QRFPR: variants seen among roughly 807,000 people sequenced by gnomAD.
QRFPR encodes the protein pyroglutamylated RF-amide peptide receptor.
A neutral mutation model predicts 31.3 loss-of-function variants in QRFPR; 37 were observed. The observed-to-expected ratio is 1.18, with a 90% CI of 0.91 to 1.56. The LOEUF (loss-of-function observed/expected upper bound fraction) is 1.56, where lower values mean the gene tolerates loss of function less well. Ranked by LOEUF, QRFPR falls within the 40% of genes most tolerant of loss-of-function variation. The probability of loss-of-function intolerance (pLI) is 0.00; values close to 1 mark genes in which losing one functional copy is unlikely to be tolerated. For synonymous variants in QRFPR, 197 were observed against 192.0 expected (o/e 1.03, Z -0.22); for missense variants, 542 against 532.5 (o/e 1.02, Z -0.18).
In QRFPR at chr4:121,355,492, A is replaced by C. The variant is rs189169273; in HGVS notation, c.341-14882T>G. 3.3e-3 allele frequency among the ~76,000 whole-genome samples: 500 copies of C among 151,908 alleles called. 4 individuals are homozygous for C. The highest frequency in any genetic ancestry group is 3.9e-3 in the Non-Finnish European group (265 of 67,868). On this transcript the variant is annotated intron_variant, in intron 1 of 5. Transcript: ENST00000394427. ...GATTAAAGGTTAGTTGACTTTGTTT[A>C]TCTGTTCAAGAAAACAACTTTTCCT...
At chr4:121,347,336 C>T (rs1161218162) in intron 1 of QRFPR, among the ~76,000 whole-genome samples, 1 of 151,996 alleles carries the variant, frequency 6.6e-6, no homozygotes, top group Non-Finnish European at 1.5e-5. Context: ...GGGGGCACTA[C>T]CATCTCTAAA....
chr4:121,370,439 A>C, intron 1 of QRFPR: 1 of 590,306 alleles, frequency 1.7e-6, no homozygotes, highest in Non-Finnish European at 3.2e-6. Context: ...GATGTTAATG[A>C]GGAACATGGT....
intron 2 of QRFPR, among the ~76,000 whole-genome samples, chr4:121,337,188 C>T (rs147343858): frequency 1.3e-5 from 2 of 152,286 alleles, no homozygotes; most frequent in African/African-American, 2.4e-5. Context: ...TGTCCATGCT[C>T]TTCACACCGC....
chr4:121,330,067 C>T (rs867312850), intron 5 of QRFPR, among the ~76,000 whole-genome samples: 24 of 152,228 alleles, frequency 1.6e-4, no homozygotes, highest in African/African-American at 5.1e-4. Flanking sequence ...ATGGTAAGTC[C>T]TGGGTTATCA....
intron 3 of QRFPR, among the ~76,000 whole-genome samples, chr4:121,335,711 AAATTAT>A (rs1324267813): frequency 6.6e-6 from 1 of 152,130 alleles, no homozygotes; most frequent in Non-Finnish European, 1.5e-5. Context: ...GGGAAGGGAA[AAATTAT>A]AAATTGATTA....
At chr4:121,348,791 G>A (rs1725707682) in intron 1 of QRFPR, among the ~76,000 whole-genome samples, 2 of 151,964 alleles carry the variant, frequency 1.3e-5, no homozygotes, top group South Asian at 4.1e-4. Context: ...CTTGATTTTT[G>A]CTCCCTTATA....
At position 121,370,004 on chromosome 4, in the gene QRFPR, G is replaced by C. The variant is rs1212518361; in HGVS notation, c.340+10304C>G. On this transcript the variant is annotated intron_variant, in intron 1 of 5. Transcript: ENST00000394427. ...TGCCCAAAATGCTGAAAGCTTTCCT[G>C]GGTCTGTTTTGTGATCACATAATTC... 1.8e-5 allele frequency: 14 copies of C among 767,762 alleles called. 1 individual carries two copies. The highest frequency in any genetic ancestry group is 4.9e-5 in the East Asian group (2 of 41,186). The allele number at this position is 767,762 out of a possible 1,614,324, so 47.6% of individuals were successfully genotyped here.
intron 3 of QRFPR, among the ~76,000 whole-genome samples, chr4:121,333,430 C>G (rs944636081): frequency 3.9e-5 from 6 of 152,278 alleles, no homozygotes; most frequent in African/African-American, 4.8e-5. Flanking sequence ...GCTAGGTAGT[C>G]TAATATTAAA....
Position 121,340,637 on chromosome 4 carries a change from T to A in QRFPR, c.341-27A>T, listed in dbSNP as rs1458287899. The stretch of plus-strand genomic sequence containing the variant: ...TGCAGTAAGGAAATAGGACAAATCA[T>A]ACATCAAAACAAAAAGAATAAAGGT... On this transcript the variant is annotated intron_variant, in intron 1 of 5. Transcript: ENST00000394427. 8 of 1,598,948 alleles carry A rather than the reference T, an allele frequency of 5.0e-6. 1 individual carries two copies. The Admixed American group carries it at 1.2e-4, about 24-fold the overall frequency.
chr4:121,366,287 T>A (rs1726133531), intron 1 of QRFPR, among the ~76,000 whole-genome samples: 2 of 149,876 alleles, frequency 1.3e-5, no homozygotes. Context: ...GATTTTTTTT[T>A]AAAGGCTACA....
intron 1 of QRFPR, among the ~76,000 whole-genome samples, chr4:121,364,129 A>AGGAATCAGTAGGATGGCTCT (rs1726040568): frequency 6.7e-6 from 1 of 149,994 alleles, no homozygotes; most frequent in Non-Finnish European, 1.5e-5. Flanking sequence ...TTACAAGGGC[A>AGGAATCAGTAGGATGGCTCT]GGAATCAGTA....
intron 1 of QRFPR, chr4:121,370,395 C>T (rs371425283): frequency 1.0e-5 from 7 of 696,584 alleles, no homozygotes; most frequent in South Asian, 2.8e-5. Context: ...CCTGCCACCA[C>T]GGTGAAATGA....
chr4:121,369,505 T>A (rs1476609731), intron 1 of QRFPR: 15 of 1,440,902 alleles, frequency 1.0e-5, no homozygotes, highest in Non-Finnish European at 1.4e-5. Context: ...GTTTCCTCCC[T>A]TCCGTCACTG....
At chr4:121,340,711 G>T in intron 1 of QRFPR, 101 bp from the exon 2 acceptor site, 1 of 1,156,718 alleles carries the variant, frequency 8.6e-7, no homozygotes, top group South Asian at 1.7e-5. Flanking sequence ...CTGAGCCTCT[G>T]CCAAAAAGTT....
intron 1 of QRFPR, among the ~76,000 whole-genome samples, chr4:121,368,063 C>G (rs941230628): frequency 1.3e-5 from 2 of 149,680 alleles, no homozygotes; most frequent in Admixed American, 6.6e-5. Context: ...AGACAGTATT[C>G]AAGACAAAAA....
At chr4:121,338,756 C>T (rs866766328) in intron 2 of QRFPR, among the ~76,000 whole-genome samples, 17 of 152,180 alleles carry the variant, frequency 1.1e-4, no homozygotes, top group African/African-American at 4.1e-4. Flanking sequence ...GCCCCCATGG[C>T]GAGATGAGTC....
chr4:121,373,225 T>G (rs1484731262), intron 1 of QRFPR, among the ~76,000 whole-genome samples: 4 of 152,242 alleles, frequency 2.6e-5, no homozygotes, highest in African/African-American at 9.6e-5. Flanking sequence ...ACTTTCTTAC[T>G]GCTAAATCCT....
At chr4:121,335,604 G>A (rs955013507) in intron 3 of QRFPR, among the ~76,000 whole-genome samples, 1 of 150,948 alleles carries the variant, frequency 6.6e-6, no homozygotes, top group Non-Finnish European at 1.5e-5. Context: ...GAGAGGAGTG[G>A]GGCAGGGGAG....
In QRFPR at chr4:121,369,969, C is replaced by T. The variant is rs1579590082; in HGVS notation, c.340+10339G>A. 6.5e-6 allele frequency: 5 copies of T among 764,964 alleles called. No homozygotes were observed. In the East Asian group the frequency reaches 9.7e-5, roughly 15 times the overall value. 47.4% of individuals were successfully genotyped at this position (764,964 alleles called of 1,614,324 possible). On this transcript the variant is annotated intron_variant, in intron 1 of 5. Coordinates refer to ENST00000394427, the MANE Select transcript of QRFPR (RefSeq NM_198179.3). ...TGGGTGTGTAGCCAGGATCTCTCAG[C>T]CCTGCCTGTTGCCCAAAATGCTGAA...
Sources: allele counts gnomAD v4.1 joint callset (sites outside exome capture counted in the v4.1 genomes callset), GRCh38; gene constraint gnomAD v4.1.1; transcripts MANE v1.5; gene names NCBI Gene and HGNC (gene_info 2026-07-23, HGNC 2026-07-21).